The following LHFPL3 variants were observed in gnomAD, a reference collection of about 807,000 sequenced individuals.
LHFPL3 encodes LHFPL tetraspan subfamily member 3 protein.
Under a neutral mutation model 19.3 loss-of-function variants are expected in LHFPL3, and 5 were observed. The observed-to-expected ratio is 0.26, with a 90% confidence interval of 0.14 to 0.54. The LOEUF is 0.54. LHFPL3 is among the 20% of genes least tolerant of loss of function. The probability of loss-of-function intolerance (pLI) is 0.94; values close to 1 mark genes in which losing one functional copy is unlikely to be tolerated. For missense variants in LHFPL3, 249 were observed against 307.4 expected (o/e 0.81, Z 1.42); for synonymous variants, 133 against 126.2 (o/e 1.05, Z -0.36).
intron 1 of LHFPL3, among the ~76,000 whole-genome samples, chr7:104,533,927 C>T (rs149507573): frequency 1.0e-3 from 156 of 152,296 alleles, no homozygotes; most frequent in African/African-American, 3.4e-3. Context: ...GGCTTCCCTC[C>T]GCTGGTAAAG....
At chr7:104,808,486 G>A (rs1336495982) in intron 2 of LHFPL3, among the ~76,000 whole-genome samples, 2 of 152,164 alleles carry the variant, frequency 1.3e-5, no homozygotes, top group African/African-American at 4.8e-5. Flanking sequence ...CTGGTGACTA[G>A]CTGCGGCGCA....
intron 1 of LHFPL3, among the ~76,000 whole-genome samples, chr7:104,450,942 C>G (rs935730246): frequency 6.6e-6 from 1 of 152,144 alleles, no homozygotes; most frequent in East Asian, 1.9e-4. Flanking sequence ...ACTAAATCAA[C>G]AAAGCAGAGT....
intron 2 of LHFPL3, among the ~76,000 whole-genome samples, chr7:104,866,078 C>CTAAA (rs1194803465): frequency 1.3e-5 from 2 of 152,124 alleles, no homozygotes; most frequent in Non-Finnish European, 2.9e-5. Context: ...GAAGGAAGCA[C>CTAAA]TAAACATGGA....
chr7:104,430,642 GT>G (rs1791984666), intron 1 of LHFPL3, among the ~76,000 whole-genome samples: 1 of 149,172 alleles, frequency 6.7e-6, no homozygotes, highest in Admixed American at 6.8e-5. Flanking sequence ...CTAATCTTTT[GT>G]ATTTTTAGTA....
At chr7:104,637,491 T>C (rs919527853) in intron 1 of LHFPL3, among the ~76,000 whole-genome samples, 4 of 152,246 alleles carry the variant, frequency 2.6e-5, no homozygotes, top group Admixed American at 1.3e-4. Flanking sequence ...CTAGGTTATC[T>C]TCTAGGATTT....
At chr7:104,459,446 G>T (rs1359659270) in intron 1 of LHFPL3, among the ~76,000 whole-genome samples, 2 of 152,146 alleles carry the variant, frequency 1.3e-5, no homozygotes, top group Non-Finnish European at 2.9e-5. Flanking sequence ...AGATACATTG[G>T]CCAGGAATAT....
intron 1 of LHFPL3, among the ~76,000 whole-genome samples, chr7:104,489,364 G>T (rs1414868661): frequency 6.6e-6 from 1 of 151,820 alleles, no homozygotes; most frequent in Non-Finnish European, 1.5e-5. Flanking sequence ...GAAATCTTAA[G>T]TTTTGAACAA....
chr7:104,714,770 T>C, intron 1 of LHFPL3, among the ~76,000 whole-genome samples: 1 of 152,260 alleles, frequency 6.6e-6, no homozygotes, highest in South Asian at 2.1e-4. Flanking sequence ...CTGTCCAGAA[T>C]TATATTATAA....
chr7:104,588,746 C>G (rs568454150), intron 1 of LHFPL3, among the ~76,000 whole-genome samples: 3 of 152,098 alleles, frequency 2.0e-5, no homozygotes, highest in Non-Finnish European at 4.4e-5. Context: ...TTCCTATCCA[C>G]GAGTATGGAA....
chr7:104,401,871 C>T (rs1209635695), intron 1 of LHFPL3, among the ~76,000 whole-genome samples: 2 of 152,018 alleles, frequency 1.3e-5, no homozygotes, highest in East Asian at 1.9e-4. Context: ...AGAAAAGATC[C>T]AGTGAAGAGA....
At chr7:104,340,351 G>A (rs974488167) in intron 1 of LHFPL3, among the ~76,000 whole-genome samples, 3 of 152,104 alleles carry the variant, frequency 2.0e-5, no homozygotes, top group South Asian at 2.1e-4. Context: ...CTAGAAAGAC[G>A]AGTAGGCATC....
intron 2 of LHFPL3, among the ~76,000 whole-genome samples, chr7:104,770,897 C>T (rs1017107173): frequency 6.6e-6 from 1 of 152,162 alleles, no homozygotes; most frequent in African/African-American, 2.4e-5. Flanking sequence ...TGTGCCCCAC[C>T]GCATGCCCGT....
intron 1 of LHFPL3, among the ~76,000 whole-genome samples, chr7:104,465,096 T>A (rs924561008): frequency 3.9e-5 from 6 of 152,090 alleles, no homozygotes; most frequent in African/African-American, 1.5e-4. Flanking sequence ...ATGCCACCAG[T>A]CTTTTTGCAT....
At chr7:104,464,857 G>A (rs890672266) in intron 1 of LHFPL3, among the ~76,000 whole-genome samples, 18 of 152,332 alleles carry the variant, frequency 1.2e-4, no homozygotes, top group African/African-American at 4.1e-4. Flanking sequence ...CATTGTCTTG[G>A]TGATTAACAT....
At chr7:104,829,145 G>A (rs1424596664) in intron 2 of LHFPL3, among the ~76,000 whole-genome samples, 1 of 151,794 alleles carries the variant, frequency 6.6e-6, no homozygotes, top group Non-Finnish European at 1.5e-5. Flanking sequence ...TCACTCCCAG[G>A]GGAAACAGCA....
intron 2 of LHFPL3, among the ~76,000 whole-genome samples, chr7:104,825,985 C>T (rs560202565): frequency 6.6e-6 from 1 of 151,920 alleles, no homozygotes; most frequent in Non-Finnish European, 1.5e-5. Context: ...ATTGCCGCCC[C>T]CAACAATATG....
At chr7:104,708,061 A>T (rs1335030616) in intron 1 of LHFPL3, among the ~76,000 whole-genome samples, 1 of 152,186 alleles carries the variant, frequency 6.6e-6, no homozygotes, top group Non-Finnish European at 1.5e-5. Flanking sequence ...TTTCCCCTTG[A>T]ACTATTTTCC....
intron 1 of LHFPL3, among the ~76,000 whole-genome samples, chr7:104,415,781 C>T (rs1791608733): frequency 6.6e-6 from 1 of 152,084 alleles, no homozygotes; most frequent in Admixed American, 6.5e-5. Context: ...AGCAAAAAAA[C>T]ATTATTTAAG....
At chr7:104,839,678 A>G (rs1307212828) in intron 2 of LHFPL3, among the ~76,000 whole-genome samples, 1 of 144,338 alleles carries the variant, frequency 6.9e-6, no homozygotes, top group East Asian at 1.9e-4. Flanking sequence ...TAAAAAAAGA[A>G]AAAAAAGAAA....
Sources: allele counts gnomAD v4.1 joint callset (sites outside exome capture counted in the v4.1 genomes callset), GRCh38; gene constraint gnomAD v4.1.1; transcripts MANE v1.5; gene names NCBI Gene and HGNC (gene_info 2026-07-23, HGNC 2026-07-21).